Variants in DRC11 observed in about 807,000 individuals in gnomAD.
DRC11 encodes the protein IQ and AAA domain-containing protein 1.
the DRC11 span, among the ~76,000 whole-genome samples, chr2:236,466,006 A>G: frequency 2.0e-5 from 3 of 152,194 alleles, no homozygotes; most frequent in Admixed American, 2.0e-4. Flanking sequence ...CAATCTGAGA[A>G]TTATAGAAAA....
the DRC11 span, chr2:236,488,107 C>T: frequency 1.2e-6 from 2 of 1,610,604 alleles, no homozygotes; most frequent in Non-Finnish European, 1.7e-6. Context: ...ATGAATAAAG[C>T]CCTTAGGCGA....
the DRC11 span, among the ~76,000 whole-genome samples, chr2:236,384,605 T>C: frequency 6.6e-6 from 1 of 152,178 alleles, no homozygotes; most frequent in Non-Finnish European, 1.5e-5. Context: ...TCCCATTTCG[T>C]AGGTTGCCTG....
the DRC11 span, among the ~76,000 whole-genome samples, chr2:236,498,216 C>T: frequency 8.6e-5 from 13 of 151,684 alleles, no homozygotes; most frequent in African/African-American, 3.1e-4. Flanking sequence ...GCCTGTAATC[C>T]CAGCACTTTG....
chr2:236,356,491 G>A, the DRC11 span, among the ~76,000 whole-genome samples: 1 of 152,192 alleles, frequency 6.6e-6, no homozygotes, highest in East Asian at 1.9e-4. Flanking sequence ...GAGGCCAGCT[G>A]GGGGGCCACG....
At chr2:236,325,747 C>T in the DRC11 span, among the ~76,000 whole-genome samples, 121 of 152,238 alleles carry the variant, frequency 7.9e-4, no homozygotes, top group Non-Finnish European at 1.6e-3. The surrounding 1 kb of genome is among the most constrained non-coding windows in gnomAD (Gnocchi z 4.4). Context: ...GGATTACAGG[C>T]GTGCGCCACC....
chr2:236,423,522 A>C, the DRC11 span, among the ~76,000 whole-genome samples: 7 of 152,218 alleles, frequency 4.6e-5, no homozygotes, highest in Admixed American at 4.6e-4. Context: ...CACCAGTTAG[A>C]ATGGCGATCA....
chr2:236,423,158 A>G, the DRC11 span, among the ~76,000 whole-genome samples: 1 of 151,796 alleles, frequency 6.6e-6, no homozygotes, highest in African/African-American at 2.4e-5. Flanking sequence ...CTTCATGTCT[A>G]AAACACCAAA....
At chr2:236,493,189 T>C in the DRC11 span, among the ~76,000 whole-genome samples, 1 of 152,088 alleles carries the variant, frequency 6.6e-6, no homozygotes, top group African/African-American at 2.4e-5. Flanking sequence ...AACCATCAGA[T>C]CTTGTGAGAT....
chr2:236,385,087 G>C, the DRC11 span, among the ~76,000 whole-genome samples: 5 of 151,828 alleles, frequency 3.3e-5, no homozygotes, highest in Non-Finnish European at 7.4e-5. Flanking sequence ...TTTGAAGTCA[G>C]GTAGTGTGAT....
chr2:236,308,809 G>A, the DRC11 span, among the ~76,000 whole-genome samples: 1 of 152,190 alleles, frequency 6.6e-6, no homozygotes, highest in African/African-American at 2.4e-5. The surrounding 1 kb of genome is among the most constrained non-coding windows in gnomAD (Gnocchi z 6.0). Flanking sequence ...GTGCTGCAGT[G>A]AACACAGGAG....
the DRC11 span, chr2:236,441,034 T>C: frequency 6.7e-7 from 1 of 1,484,602 alleles, no homozygotes. Context: ...TCAAGCATAT[T>C]TGTACCTGTT....
the DRC11 span, among the ~76,000 whole-genome samples, chr2:236,376,786 A>G: frequency 6.6e-6 from 1 of 152,212 alleles, no homozygotes; most frequent in Non-Finnish European, 1.5e-5. The surrounding 1 kb of genome is among the most constrained non-coding windows in gnomAD (Gnocchi z 5.7). Context: ...AAGTGAAATC[A>G]TTAACAATTC....
the DRC11 span, among the ~76,000 whole-genome samples, chr2:236,505,862 G>A: frequency 6.6e-6 from 1 of 152,088 alleles, no homozygotes; most frequent in African/African-American, 2.4e-5. Flanking sequence ...ACATTCTATT[G>A]TTTTCTGTCT....
the DRC11 span, among the ~76,000 whole-genome samples, chr2:236,350,687 C>A: frequency 6.6e-6 from 1 of 152,220 alleles, no homozygotes; most frequent in Non-Finnish European, 1.5e-5. The surrounding 1 kb of genome is among the most constrained non-coding windows in gnomAD (Gnocchi z 5.2). Context: ...ATGGACCAGG[C>A]GGCCGCCACA....
At chr2:236,332,246 G>C in the DRC11 span, 5 of 152,378 alleles carry the variant, frequency 3.3e-5, no homozygotes, top group African/African-American at 1.2e-4. This position sits in a 1 kb window ranked among gnomAD's most constrained non-coding sequence, Gnocchi z 5.1. Flanking sequence ...GGGACCTGGA[G>C]TAAATGAGAT....
the DRC11 span, among the ~76,000 whole-genome samples, chr2:236,337,178 C>G: frequency 6.6e-6 from 1 of 152,196 alleles, no homozygotes; most frequent in Non-Finnish European, 1.5e-5. This position sits in a 1 kb window ranked among gnomAD's most constrained non-coding sequence, Gnocchi z 4.9. Flanking sequence ...ATGTGACTCT[C>G]ACATCATGAG....
the DRC11 span, among the ~76,000 whole-genome samples, chr2:236,307,117 C>T: frequency 3.9e-5 from 6 of 152,108 alleles, no homozygotes; most frequent in South Asian, 4.1e-4. This position sits in a 1 kb window ranked among gnomAD's most constrained non-coding sequence, Gnocchi z 7.0. Flanking sequence ...CCTTCTATAC[C>T]GTGCACACAG....
the DRC11 span, among the ~76,000 whole-genome samples, chr2:236,382,106 G>C: frequency 6.6e-6 from 1 of 152,066 alleles, no homozygotes; most frequent in East Asian, 1.9e-4. Context: ...GACCCATTTT[G>C]AATTAATTTT....
At chr2:236,414,751 C>T in the DRC11 span, among the ~76,000 whole-genome samples, 1 of 152,206 alleles carries the variant, frequency 6.6e-6, no homozygotes, top group African/African-American at 2.4e-5. Flanking sequence ...AAATAAGGAA[C>T]TGCGAACGTT....
Sources: allele counts gnomAD v4.1 joint callset (sites outside exome capture counted in the v4.1 genomes callset), GRCh38; gene constraint gnomAD v4.1.1; non-coding constraint Gnocchi (gnomAD v3.1); transcripts MANE v1.5; gene names NCBI Gene and HGNC (gene_info 2026-07-23, HGNC 2026-07-21).